The following XRCC4 variants were observed in gnomAD, a reference collection of about 807,000 sequenced individuals.
XRCC4 encodes DNA repair protein XRCC4.
Under a neutral mutation model 39.1 loss-of-function variants are expected in XRCC4, and 28 were observed. That is an observed-to-expected ratio of 0.72 (90% confidence interval 0.53 to 0.98). The LOEUF is 0.98. Among genes scored for constraint, XRCC4 ranks in the 50% least tolerant of loss-of-function variants. The probability of loss-of-function intolerance (pLI) is 0.00; values close to 1 mark genes in which losing one functional copy is unlikely to be tolerated. For synonymous variants in XRCC4, 123 were observed against 126.4 expected (o/e 0.97, Z 0.18); for missense variants, 350 against 376.4 (o/e 0.93, Z 0.58).
intron 3 of XRCC4, among the ~76,000 whole-genome samples, chr5:83,151,230 T>A (rs1748687211): frequency 6.6e-6 from 1 of 152,094 alleles, no homozygotes; most frequent in Non-Finnish European, 1.5e-5. Flanking sequence ...ATCATAAATA[T>A]GACAGTATTT....
At chr5:83,078,078 C>G (rs1358961866) in intron 1 of XRCC4, among the ~76,000 whole-genome samples, 1 of 152,202 alleles carries the variant, frequency 6.6e-6, no homozygotes, top group Non-Finnish European at 1.5e-5. Flanking sequence ...CAGGAAAGAA[C>G]TTTCTGTGGT....
At chr5:83,102,719 A>G (rs1240155872) in intron 1 of XRCC4, among the ~76,000 whole-genome samples, 1 of 152,054 alleles carries the variant, frequency 6.6e-6, no homozygotes, top group African/African-American at 2.4e-5. Flanking sequence ...TTATCTGGCA[A>G]TGCTGTCACA....
At chr5:83,187,566 A>C (rs1459555257) in intron 3 of XRCC4, among the ~76,000 whole-genome samples, 1 of 152,176 alleles carries the variant, frequency 6.6e-6, no homozygotes, top group Non-Finnish European at 1.5e-5. Flanking sequence ...TGGCTGGGGC[A>C]CAGCAAAGGG....
At chr5:83,301,033 A>G (rs1580482830) in intron 7 of XRCC4, among the ~76,000 whole-genome samples, 2 of 152,152 alleles carry the variant, frequency 1.3e-5, no homozygotes, top group Non-Finnish European at 2.9e-5. Flanking sequence ...CAGTGCTGCA[A>G]TAAACATATG....
chr5:83,109,654 C>T (rs537579511), intron 2 of XRCC4, among the ~76,000 whole-genome samples: 8 of 151,970 alleles, frequency 5.3e-5, no homozygotes, highest in African/African-American at 1.9e-4. Flanking sequence ...GGGAAAACCT[C>T]AGACACCATG....
In XRCC4 at chr5:83,155,188, T is replaced by C. The variant is rs549147639; in HGVS notation, c.316-40582T>C. 5.9e-5 allele frequency among the ~76,000 whole-genome samples: 9 copies of C among 152,230 alleles called. No homozygotes were observed. In the South Asian group the frequency reaches 1.9e-3, roughly 32 times the overall value. On this transcript the variant is annotated intron_variant, in intron 3 of 7. Coordinates refer to ENST00000396027, the MANE Select transcript of XRCC4 (RefSeq NM_003401.5). Reference sequence around the variant, plus strand: ...TAAATTTAAATTACTCAAAGCAAAGTTTGTTGTAGTCTTGCTTACTAGAAA... The same window carrying C: ...TAAATTTAAATTACTCAAAGCAAAGCTTGTTGTAGTCTTGCTTACTAGAAA...
At chr5:83,091,955 T>G (rs1745448580) in intron 1 of XRCC4, among the ~76,000 whole-genome samples, 1 of 152,192 alleles carries the variant, frequency 6.6e-6, no homozygotes. Flanking sequence ...CCCGTAATGG[T>G]TATGCTAATT....
chr5:83,151,660 A>G (rs1321544751), intron 3 of XRCC4, among the ~76,000 whole-genome samples: 1 of 152,164 alleles, frequency 6.6e-6, no homozygotes, highest in African/African-American at 2.4e-5. Context: ...ATAAATAAAT[A>G]AATGAATAAA....
intron 3 of XRCC4, among the ~76,000 whole-genome samples, chr5:83,121,260 C>A (rs1305507158): frequency 1.3e-5 from 2 of 152,056 alleles, no homozygotes; most frequent in African/African-American, 4.8e-5. Context: ...ACATTTAAAT[C>A]TTTGTATGGA....
At chr5:83,244,569 T>C (rs933920178) in intron 6 of XRCC4, among the ~76,000 whole-genome samples, 1 of 32,916 alleles carries the variant, frequency 3.0e-5, no homozygotes, top group African/African-American at 1.3e-4. Flanking sequence ...CAATGACTTA[T>C]GATAACTCCT....
chr5:83,273,654 C>T (rs954790147), intron 7 of XRCC4, among the ~76,000 whole-genome samples: 2 of 152,168 alleles, frequency 1.3e-5, no homozygotes, highest in African/African-American at 4.8e-5. Flanking sequence ...GTTTTCCCAG[C>T]ACCATTTATT....
chr5:83,130,293 C>A (rs1747502960), intron 3 of XRCC4, among the ~76,000 whole-genome samples: 1 of 152,140 alleles, frequency 6.6e-6, no homozygotes, highest in African/African-American at 2.4e-5. Flanking sequence ...TATATTGAAC[C>A]AGCCTTGCAT....
intron 7 of XRCC4, among the ~76,000 whole-genome samples, chr5:83,347,792 T>G (rs1756960492): frequency 6.6e-6 from 1 of 152,154 alleles, no homozygotes; most frequent in Non-Finnish European, 1.5e-5. Flanking sequence ...GTCCAAGGTC[T>G]CATGTGAGAC....
chr5:83,206,310 G>A (rs1004916794), intron 6 of XRCC4, among the ~76,000 whole-genome samples: 1 of 152,128 alleles, frequency 6.6e-6, no homozygotes, highest in East Asian at 1.9e-4. Context: ...ATGGAGAGGC[G>A]ATGAGCAAGG....
chr5:83,114,116 C>T (rs893089900), intron 3 of XRCC4, among the ~76,000 whole-genome samples: 10 of 152,056 alleles, frequency 6.6e-5, no homozygotes, highest in Non-Finnish European at 1.5e-4. Flanking sequence ...TGCAGGGAAC[C>T]AAGTCCCTAG....
chr5:83,274,059 G>A (rs970230719), intron 7 of XRCC4, among the ~76,000 whole-genome samples: 1 of 152,064 alleles, frequency 6.6e-6, no homozygotes, highest in Non-Finnish European at 1.5e-5. Context: ...TCTAAAATGG[G>A]AATAGCAATA....
chr5:83,255,298 C>T (rs550068532), intron 6 of XRCC4, among the ~76,000 whole-genome samples: 1 of 152,168 alleles, frequency 6.6e-6, no homozygotes, highest in African/African-American at 2.4e-5. Flanking sequence ...GAATCTATTA[C>T]AATATGGTTT....
chr5:83,354,514 A>G (rs1757167797), downstream of XRCC4, among the ~76,000 whole-genome samples: 1 of 152,234 alleles, frequency 6.6e-6, no homozygotes, highest in South Asian at 2.1e-4. Flanking sequence ...ATTTATCATT[A>G]ACTTGTCACA....
At chr5:83,255,115 T>C (rs1019268565) in intron 6 of XRCC4, among the ~76,000 whole-genome samples, 4 of 150,628 alleles carry the variant, frequency 2.7e-5, no homozygotes, top group Admixed American at 2.6e-4. Flanking sequence ...AGAAAAGAAA[T>C]TTGAAAAATG....
Sources: gnomAD v4.1 joint callset for allele counts (sites outside exome capture counted in the v4.1 genomes callset) on GRCh38, gnomAD v4.1.1 for gene constraint, MANE v1.5 for transcripts, NCBI Gene and HGNC (gene_info 2026-07-23, HGNC 2026-07-21) for gene names.